The following ST8SIA2 variants were observed in gnomAD, a reference collection of about 807,000 sequenced individuals.
ST8SIA2 encodes the protein ST8 alpha-N-acetyl-neuraminide alpha-2,8-sialyltransferase 2, also known as alpha-2,8-sialyltransferase 8B.
ST8SIA2 carries 22 observed loss-of-function variants against 37.6 expected under a neutral mutation model. That is an observed-to-expected ratio of 0.58 (90% CI 0.42 to 0.83). The LOEUF (loss-of-function observed/expected upper bound fraction) is 0.83. Among genes scored for constraint, ST8SIA2 ranks in the 40% least tolerant of loss-of-function variants. The pLI, the probability that ST8SIA2 is intolerant of heterozygous loss-of-function variation, is 0.00. For synonymous variants in ST8SIA2, 205 were observed against 201.2 expected (o/e 1.02, Z -0.16); for missense variants, 382 against 484.7 (o/e 0.79, Z 1.99).
intron 1 of ST8SIA2, among the ~76,000 whole-genome samples, chr15:92,417,281 G>A (rs1276405297): frequency 2.6e-5 from 4 of 152,212 alleles, no homozygotes; most frequent in Non-Finnish European, 5.9e-5. Flanking sequence ...TAACCACCAT[G>A]GCTGCTGGAG....
rs780411222 is a variant in ST8SIA2 at position 92,464,406 on chromosome 15, C to G, written c.*21C>G. On this transcript the variant is annotated 3_prime_UTR_variant, in exon 6 of 6. Coordinates refer to ENST00000268164, the MANE Select transcript of ST8SIA2 (RefSeq NM_006011.4). ...CGTAGGGTGGGCACCCCATGGGACT[C>G]AGTGGCTCACATTTCCTGCCAGCTA... 60 of 1,612,610 alleles carry G rather than the reference C, an allele frequency of 3.7e-5. No homozygotes were observed. Among genetic ancestry groups the G allele is most frequent in the Non-Finnish European group, 4.6e-5 (54 of 1,179,962 alleles).
At chr15:92,422,040 A>T (rs2049638663) in intron 1 of ST8SIA2, among the ~76,000 whole-genome samples, 1 of 152,190 alleles carries the variant, frequency 6.6e-6, no homozygotes, top group Non-Finnish European at 1.5e-5. Context: ...CTCTCTTGTT[A>T]CTTAAGTACC....
In ST8SIA2 at chr15:92,454,392, G is replaced by A. The variant is rs566833814; in HGVS notation, c.842+9463G>A. Among the ~76,000 whole-genome samples the A allele has an allele frequency of 3.9e-5, 6 of 152,012 alleles. No homozygotes were observed. In the South Asian group the frequency reaches 1.0e-3, roughly 26 times the overall value. On this transcript the variant is annotated intron_variant, in intron 5 of 5. Transcript: ENST00000268164. ...ACCTAATTTTAACTTCATTACTTCC[G>A]TGAATACCCTCCCTCCAAATACAGT...
At chr15:92,462,072 G>C (rs1317621626) in intron 5 of ST8SIA2, among the ~76,000 whole-genome samples, 1 of 152,072 alleles carries the variant, frequency 6.6e-6, no homozygotes. Context: ...TCGAAAGACA[G>C]GCTTATGAAA....
At chr15:92,410,995 C>A (rs1049037723) in intron 1 of ST8SIA2, among the ~76,000 whole-genome samples, 1 of 152,190 alleles carries the variant, frequency 6.6e-6, no homozygotes, top group African/African-American at 2.4e-5. Context: ...GCCACAGACT[C>A]TGGCAGTGCC....
At chr15:92,416,996 G>T (rs571846037) in intron 1 of ST8SIA2, among the ~76,000 whole-genome samples, 2 of 152,192 alleles carry the variant, frequency 1.3e-5, no homozygotes, top group East Asian at 3.9e-4. Context: ...GCTTTTCCAA[G>T]GGGACTTGTC....
chr15:92,437,056 G>T (rs2141833370), intron 3 of ST8SIA2, among the ~76,000 whole-genome samples: 1 of 152,280 alleles, frequency 6.6e-6, no homozygotes, highest in East Asian at 1.9e-4. Flanking sequence ...AAATCCAGCA[G>T]GCTTTCAGGC....
intron 1 of ST8SIA2, 48 bp downstream of exon 1, chr15:92,394,210 TC>T (rs2049412515): frequency 6.8e-7 from 1 of 1,471,808 alleles, no homozygotes; most frequent in African/African-American, 1.4e-5. Flanking sequence ...GCGGGATCTC[TC>T]CCTCCTTCTG....
chr15:92,434,268 C>T lies in ST8SIA2; in HGVS notation c.183C>T (p.Gly61=), dbSNP rs763472327. The T allele has an allele frequency of 1.2e-6, 2 of 1,614,096 alleles. No homozygotes were observed. Among genetic ancestry groups the T allele is most frequent in the Non-Finnish European group, 1.7e-6 (2 of 1,180,044 alleles). ...CCAGAGCTGAAGTTGTAATAAACGG[C>T]TCCTCATCACCAGCTGTTGTTGACA... ...KSNRAEVVIN[G]SSSPAVVDRS... Residue 61 remains glycine (G), a synonymous_variant, in exon 3 of 6, where the codon GGC becomes GGT. Transcript: ENST00000268164.
chr15:92,395,395 C>T lies in ST8SIA2; in HGVS notation c.98+1233C>T, dbSNP rs375962740. ...GGGAGATGCCAGTCCTGGGCCCAGG[C>T]GGGATGCCGAGGCCCCAAGGACAAA... On this transcript the variant is annotated intron_variant, in intron 1 of 5. Transcript: ENST00000268164. Among the ~76,000 whole-genome samples, 21 of 152,316 alleles carry T rather than the reference C, an allele frequency of 1.4e-4. 1 individual carries two copies. In the East Asian group the frequency reaches 3.5e-3, roughly 25 times the overall value.
chr15:92,451,120 T>C (rs1159618701), intron 5 of ST8SIA2, among the ~76,000 whole-genome samples: 1 of 152,226 alleles, frequency 6.6e-6, no homozygotes, highest in Non-Finnish European at 1.5e-5. Flanking sequence ...AGGAACTTGA[T>C]GCTCAGACAA....
intron 1 of ST8SIA2, among the ~76,000 whole-genome samples, chr15:92,420,485 A>T (rs2049625154): frequency 6.6e-6 from 1 of 152,168 alleles, no homozygotes; most frequent in East Asian, 1.9e-4. Flanking sequence ...TGAAAGCCCA[A>T]AGTTCTCAGG....
intron 1 of ST8SIA2, among the ~76,000 whole-genome samples, chr15:92,401,424 G>C (rs895051474): frequency 1.3e-5 from 2 of 152,174 alleles, no homozygotes; most frequent in Non-Finnish European, 2.9e-5. Flanking sequence ...GAAGCTGCCC[G>C]GTGTCCTGAC....
At chr15:92,398,329 C>G (rs117784318) in intron 1 of ST8SIA2, among the ~76,000 whole-genome samples, 2,091 of 152,338 alleles carry the variant, frequency 0.014, 23 homozygotes, top group Middle Eastern at 0.041. Flanking sequence ...CAGGTCTCCT[C>G]TTTTGTAACC....
At chr15:92,411,014 G>A (rs2049544704) in intron 1 of ST8SIA2, among the ~76,000 whole-genome samples, 1 of 152,218 alleles carries the variant, frequency 6.6e-6, no homozygotes, top group Admixed American at 6.5e-5. Flanking sequence ...CCTAGAGGTG[G>A]AGGAAAGTAG....
rs930226084 is a variant in ST8SIA2, at chr15:92,464,037, C to T, written c.843-63C>T. On this transcript the variant is annotated intron_variant, in intron 5 of 5. Transcript: ENST00000268164. ...TGGGCAGGATAAAATTTTTGTCTTC[C>T]TGGAAAGGATGACTCACAGACCCAT... 3 of 1,508,214 alleles carry T rather than the reference C, an allele frequency of 2.0e-6. No homozygotes were observed. The African/African-American group carries it at 4.3e-5, about 22-fold the overall frequency. The allele number at this position is 1,508,214 out of a possible 1,614,324, so 93.4% of individuals were successfully genotyped here.
At chr15:92,398,931 T>A (rs1296963149) in intron 1 of ST8SIA2, among the ~76,000 whole-genome samples, 3 of 152,212 alleles carry the variant, frequency 2.0e-5, no homozygotes, top group Non-Finnish European at 4.4e-5. Flanking sequence ...TAGTAGTTTC[T>A]CCATCAGTCA....
chr15:92,454,501 A>G (rs1329744241), intron 5 of ST8SIA2, among the ~76,000 whole-genome samples: 3 of 152,126 alleles, frequency 2.0e-5, no homozygotes, highest in Non-Finnish European at 4.4e-5. Context: ...GCTGGGTTAG[A>G]TGGCCTCCCT....
At chr15:92,396,455 TG>T (rs1243831937) in intron 1 of ST8SIA2, among the ~76,000 whole-genome samples, 1 of 150,376 alleles carries the variant, frequency 6.6e-6, no homozygotes, top group Non-Finnish European at 1.5e-5. Context: ...GGTTTCTTTT[TG>T]TTTGTTTGTT....
Sources: gnomAD v4.1 joint callset for allele counts (sites outside exome capture counted in the v4.1 genomes callset) on GRCh38, gnomAD v4.1.1 for gene constraint, MANE v1.5 for transcripts, NCBI Gene and HGNC (gene_info 2026-07-23, HGNC 2026-07-21) for gene names.